The following RBFOX1 variants were observed in gnomAD, a reference collection of about 807,000 sequenced individuals.
The protein encoded by RBFOX1 is RNA binding protein fox-1 homolog 1.
Under a neutral mutation model 57.7 loss-of-function variants are expected in RBFOX1, and 8 were observed. That is an observed-to-expected ratio of 0.14 (90% CI 0.08 to 0.25). RBFOX1 has a LOEUF of 0.25. Among genes scored for constraint, RBFOX1 ranks in the 10% least tolerant of loss-of-function variants. The pLI is 1.00. For synonymous variants in RBFOX1, 326 were observed against 222.4 expected (o/e 1.47, Z -4.15); for missense variants, 611 against 548.5 (o/e 1.11, Z -1.14).
chr16:6,787,521 A>G (rs548157457), intron 3 of RBFOX1, among the ~76,000 whole-genome samples: 10 of 152,320 alleles, frequency 6.6e-5, no homozygotes, highest in African/African-American at 2.2e-4. Flanking sequence ...GCTGGGCAAT[A>G]GAAATTGGGT....
intron 1 of RBFOX1, among the ~76,000 whole-genome samples, chr16:5,291,976 C>T (rs201055365): frequency 1.5e-5 from 2 of 133,352 alleles, no homozygotes; most frequent in Admixed American, 7.6e-5. Flanking sequence ...TCTAGACTTT[C>T]AAAGGCCATT....
Position 6,542,483 on chromosome 16 carries a change from C to CT in RBFOX1, c.-63-112096dup, listed in dbSNP as rs71145245. ...CCACTGCCCTGTGTGGGACCATAGT[C>CT]TTTTTTTTTTTTTTTTTTTTTTTTG... is the stretch of plus-strand genomic sequence containing the variant. On this transcript the variant is annotated intron_variant, in intron 2 of 15. Coordinates refer to ENST00000550418, the MANE Select transcript of RBFOX1 (RefSeq NM_018723.4). Among the ~76,000 whole-genome samples, 157 of 55,714 alleles carry CT rather than the reference C, an allele frequency of 2.8e-3. 20 individuals are homozygous for CT. The highest frequency in any genetic ancestry group is 0.011 in the African/African-American group (145 of 13,216). The allele number at this position is 55,714 out of a possible 152,430, so 36.6% of individuals were successfully genotyped here.
chr16:6,246,479 T>C (rs145779218), intron 1 of RBFOX1, among the ~76,000 whole-genome samples: 2 of 152,138 alleles, frequency 1.3e-5, no homozygotes, highest in Non-Finnish European at 2.9e-5. Flanking sequence ...AGGACTCCAG[T>C]TGGCTTGGCT....
intron 4 of RBFOX1, among the ~76,000 whole-genome samples, chr16:5,888,459 C>T (rs1264831598): frequency 6.6e-6 from 1 of 152,014 alleles, no homozygotes; most frequent in African/African-American, 2.4e-5. Flanking sequence ...TGCTGTGTTC[C>T]AGCCTCCAAT....
chr16:6,895,665 G>C (rs2153391676), intron 3 of RBFOX1, among the ~76,000 whole-genome samples: 1 of 151,568 alleles, frequency 6.6e-6, no homozygotes, highest in Admixed American at 6.6e-5. Context: ...TTGTGGAAAG[G>C]AGGCAAAAGT....
intron 3 of RBFOX1, among the ~76,000 whole-genome samples, chr16:5,812,865 A>C (rs957831138): frequency 3.4e-4 from 52 of 152,166 alleles, no homozygotes; most frequent in Non-Finnish European, 1.2e-4. Context: ...AGTATCTTTC[A>C]ACTTCTGGTT....
At chr16:6,706,972 G>C (rs7197390) in intron 3 of RBFOX1, among the ~76,000 whole-genome samples, 149,151 of 152,246 alleles carry the variant, frequency 0.98, 73,139 homozygotes, top group Middle Eastern at 1. Flanking sequence ...CAAACGTGTG[G>C]TATTTTTACT....
At chr16:6,446,162 C>G (rs560215479) in intron 2 of RBFOX1, among the ~76,000 whole-genome samples, 26 of 151,952 alleles carry the variant, frequency 1.7e-4, no homozygotes, top group Non-Finnish European at 3.4e-4. Context: ...ATTTTTAAGC[C>G]TAGTTAATTT....
rs182078879 is a variant in RBFOX1, at chr16:6,805,442, G to T, written c.-16+150792G>T. ...GCAGAAAAAAATAACTTGGGTACTT[G>T]GCTTAGTACCTGGGTGGTGAAATAA... On this transcript the variant is annotated intron_variant, in intron 3 of 15. Coordinates refer to ENST00000550418, the MANE Select transcript of RBFOX1 (RefSeq NM_018723.4). 4.9e-3 allele frequency among the ~76,000 whole-genome samples: 747 copies of T among 152,202 alleles called. 6 individuals are homozygous for T. The highest frequency in any genetic ancestry group is 8.8e-3 in the Non-Finnish European group (597 of 68,016).
chr16:6,024,179 T>C (rs1244566698), intron 1 of RBFOX1, among the ~76,000 whole-genome samples: 1 of 152,108 alleles, frequency 6.6e-6, no homozygotes, highest in Non-Finnish European at 1.5e-5. Flanking sequence ...TGTGTTGTCT[T>C]AGGGGAAGGA....
At chr16:7,474,750 C>T (rs184262527) in intron 4 of RBFOX1, among the ~76,000 whole-genome samples, 41 of 152,268 alleles carry the variant, frequency 2.7e-4, no homozygotes, top group Admixed American at 9.2e-4. Flanking sequence ...AATCGTAGAA[C>T]TGGACTTCTA....
chr16:7,595,264 C>T (rs917181001), intron 7 of RBFOX1, among the ~76,000 whole-genome samples: 7 of 151,904 alleles, frequency 4.6e-5, no homozygotes, highest in East Asian at 1.9e-4. Context: ...ATTTTCTTTT[C>T]GTTAGATTTA....
chr16:6,995,296 GTGTGTGTGT>G lies in RBFOX1; in HGVS notation c.-15-56760_-15-56752del, dbSNP rs2092089479. Among the ~76,000 whole-genome samples the G allele has an allele frequency of 4.3e-5, 5 of 115,266 alleles. No individual in the cohort carries two copies. In the South Asian group the frequency reaches 1.6e-3, roughly 38 times the overall value. The allele number at this position is 115,266 out of a possible 152,430, so 75.6% of individuals were successfully genotyped here. On this transcript the variant is annotated intron_variant, in intron 3 of 15. Transcript: ENST00000550418. Reference sequence around the variant, plus strand: ...CTATGATCTGAAAGTAGCCTTGTGTGTGTGTGTGTGTGTGTGTGTGTGTGTGTGTGTGTG... The same window carrying G: ...CTATGATCTGAAAGTAGCCTTGTGTGGTGTGTGTGTGTGTGTGTGTGTGTG...
At chr16:6,970,187 A>G (rs1007729963) in intron 3 of RBFOX1, among the ~76,000 whole-genome samples, 1 of 151,678 alleles carries the variant, frequency 6.6e-6, no homozygotes, top group Non-Finnish European at 1.5e-5. Context: ...GGAAAAAAAT[A>G]AAAAAGAAAG....
At chr16:6,960,730 C>G (rs1214556624) in intron 3 of RBFOX1, among the ~76,000 whole-genome samples, 11 of 152,026 alleles carry the variant, frequency 7.2e-5, no homozygotes, top group African/African-American at 2.4e-4. Context: ...CTACCTGTCA[C>G]CACTGCAAGA....
At chr16:5,864,064 C>T (rs945887349) in intron 3 of RBFOX1, among the ~76,000 whole-genome samples, 1 of 152,146 alleles carries the variant, frequency 6.6e-6, no homozygotes, top group African/African-American at 2.4e-5. Flanking sequence ...CACCTTCCAC[C>T]CTCCAGAAGG....
intron 2 of RBFOX1, among the ~76,000 whole-genome samples, chr16:6,611,701 C>G (rs2098058064): frequency 6.6e-6 from 1 of 152,174 alleles, no homozygotes; most frequent in South Asian, 2.1e-4. Context: ...TTGTCCGTGG[C>G]TTCTGGATAT....
intron 4 of RBFOX1, among the ~76,000 whole-genome samples, chr16:5,914,380 G>C (rs1347302223): frequency 6.6e-6 from 1 of 152,186 alleles, no homozygotes; most frequent in Middle Eastern, 3.2e-3. Flanking sequence ...TTGCATTTAT[G>C]CTGTCAGCCA....
intron 1 of RBFOX1, among the ~76,000 whole-genome samples, chr16:6,197,605 G>T (rs1274816074): frequency 6.6e-6 from 1 of 151,220 alleles, no homozygotes; most frequent in African/African-American, 2.4e-5. Flanking sequence ...AGAGGACCAG[G>T]ATCACCTGTT....
Sources: allele counts gnomAD v4.1 joint callset (sites outside exome capture counted in the v4.1 genomes callset), GRCh38; gene constraint gnomAD v4.1.1; transcripts MANE v1.5; gene names NCBI Gene and HGNC (gene_info 2026-07-23, HGNC 2026-07-21).